Variants in CNTN5 observed in about 807,000 individuals in gnomAD.
The protein encoded by CNTN5 is contactin 5.
Under a neutral mutation model 129.1 loss-of-function variants are expected in CNTN5, and 77 were observed. That is an observed-to-expected ratio of 0.60 (90% confidence interval 0.50 to 0.72). The LOEUF is 0.72. Among genes scored for constraint, CNTN5 ranks in the 30% least tolerant of loss-of-function variants. The pLI is 0.00. For missense variants in CNTN5, 1,478 were observed against 1,328.8 expected (o/e 1.11, Z -1.75); for synonymous variants, 509 against 465.6 (o/e 1.09, Z -1.20).
At chr11:99,655,151 G>T (rs916667515) in intron 3 of CNTN5, among the ~76,000 whole-genome samples, 4 of 151,962 alleles carry the variant, frequency 2.6e-5, no homozygotes, top group African/African-American at 9.7e-5. Context: ...AATCTTAAGT[G>T]GTCCTTAAGT....
chr11:99,705,301 A>T (rs183808974), intron 3 of CNTN5, among the ~76,000 whole-genome samples: 31 of 151,482 alleles, frequency 2.0e-4, no homozygotes, highest in South Asian at 1.9e-3. Flanking sequence ...CTGAATCCAG[A>T]TATGCTCTAA....
intron 2 of CNTN5, among the ~76,000 whole-genome samples, chr11:99,378,505 G>A (rs749478393): frequency 6.6e-6 from 1 of 152,004 alleles, no homozygotes; most frequent in African/African-American, 2.4e-5. Context: ...TGAAGATTGG[G>A]TTTTACTAGA....
At chr11:99,380,768 C>CAAAAAAAAAAAAAAAAAAA (rs769229566) in intron 2 of CNTN5, among the ~76,000 whole-genome samples, 3 of 102,424 alleles carry the variant, frequency 2.9e-5, no homozygotes, top group African/African-American at 4.2e-5. Flanking sequence ...AACTCTATCT[C>CAAAAAAAAAAAAAAAAAAA]AAAAAAAAAA....
chr11:100,299,290 T>A lies in CNTN5; in HGVS notation c.2514T>A (p.Asp838Glu). 1.2e-6 allele frequency: 2 copies of A among 1,610,820 alleles called. No homozygotes were observed. The highest frequency in any genetic ancestry group is 1.7e-6 in the Non-Finnish European group (2 of 1,177,802). The change falls in exon 20 of 25, where the codon GAT becomes GAA. Residue 838 changes from aspartate to glutamate, a missense_variant. By Grantham distance (45) the Asp-to-Glu change is conservative. Coordinates refer to ENST00000524871, the MANE Select transcript of CNTN5 (RefSeq NM_014361.4). Reference protein sequence around the residue: ...SSEASKFIYRDESVPPLTPFE... With the variant: ...SSEASKFIYREESVPPLTPFE... ...AAGCTTCCAAATTCATTTATCGAGATGAAAGTGTCCCTCCTCTTACTCCCT... is the reference window on the plus strand; with the variant it reads ...AAGCTTCCAAATTCATTTATCGAGAAGAAAGTGTCCCTCCTCTTACTCCCT...
At chr11:99,542,571 T>A (rs1260104376) in intron 2 of CNTN5, among the ~76,000 whole-genome samples, 1 of 152,186 alleles carries the variant, frequency 6.6e-6, no homozygotes, top group Non-Finnish European at 1.5e-5. Flanking sequence ...TAACACAATG[T>A]TTACTAGTCT....
At chr11:100,001,331 T>C (rs1261300414) in intron 8 of CNTN5, among the ~76,000 whole-genome samples, 1 of 152,104 alleles carries the variant, frequency 6.6e-6, no homozygotes, top group Non-Finnish European at 1.5e-5. Context: ...GAGAACAGCA[T>C]GGGGGAATCT....
At chr11:99,500,385 C>T (rs1758341377) in intron 2 of CNTN5, among the ~76,000 whole-genome samples, 1 of 152,028 alleles carries the variant, frequency 6.6e-6, no homozygotes, top group South Asian at 2.1e-4. Context: ...GGAAGATAAA[C>T]AAATGAGATC....
At chr11:100,331,893 C>T (rs939917013) in intron 21 of CNTN5, among the ~76,000 whole-genome samples, 2 of 151,728 alleles carry the variant, frequency 1.3e-5, no homozygotes, top group African/African-American at 4.8e-5. Flanking sequence ...TCTGAAAGAG[C>T]ACAAATAGAC....
intron 3 of CNTN5, among the ~76,000 whole-genome samples, chr11:99,737,403 C>T (rs1943747075): frequency 6.6e-6 from 1 of 152,130 alleles, no homozygotes; most frequent in African/African-American, 2.4e-5. Flanking sequence ...TGAAGCAATA[C>T]AACATCTTCT....
intron 2 of CNTN5, among the ~76,000 whole-genome samples, chr11:99,466,858 A>G (rs536104190): frequency 7.1e-4 from 108 of 152,260 alleles, no homozygotes; most frequent in African/African-American, 2.5e-3. Flanking sequence ...TCATATTTAG[A>G]CAGAGAAGTG....
chr11:99,875,391 C>T lies in CNTN5; in HGVS notation c.577+30129C>T, dbSNP rs141384193. Among the ~76,000 whole-genome samples, 1,222 of 152,244 alleles carry T rather than the reference C, an allele frequency of 8.0e-3. 16 individuals carry two copies. Among genetic ancestry groups the T allele is most frequent in the African/African-American group, 0.028 (1,153 of 41,540 alleles). On this transcript the variant is annotated intron_variant, in intron 6 of 24. Coordinates refer to ENST00000524871, the MANE Select transcript of CNTN5 (RefSeq NM_014361.4). Reference sequence around the variant, plus strand: ...GGAAGTTGATTATTAAAACACTCTTCATACTTAAAGTGGAGCAAAATAACA... The same window carrying T: ...GGAAGTTGATTATTAAAACACTCTTTATACTTAAAGTGGAGCAAAATAACA...
intron 1 of CNTN5, among the ~76,000 whole-genome samples, chr11:99,040,545 A>C (rs1242656380): frequency 6.6e-6 from 1 of 152,144 alleles, no homozygotes; most frequent in East Asian, 1.9e-4. Flanking sequence ...AAAACATGAG[A>C]TATAAATTCA....
intron 3 of CNTN5, among the ~76,000 whole-genome samples, chr11:99,651,082 A>G (rs894165392): frequency 6.6e-5 from 10 of 151,962 alleles, no homozygotes; most frequent in Non-Finnish European, 1.5e-4. Flanking sequence ...AACATGCACA[A>G]TCAAGATGGG....
At chr11:99,579,121 G>T (rs1949475778) in intron 3 of CNTN5, among the ~76,000 whole-genome samples, 1 of 152,118 alleles carries the variant, frequency 6.6e-6, no homozygotes, top group African/African-American at 2.4e-5. Context: ...TGTCAGGTTT[G>T]TCAAAGATCA....
chr11:99,492,146 T>C (rs1424729248), intron 2 of CNTN5, among the ~76,000 whole-genome samples: 4 of 152,170 alleles, frequency 2.6e-5, no homozygotes, highest in Non-Finnish European at 5.9e-5. Flanking sequence ...ACTTTGTTCA[T>C]GGCCCATTGT....
intron 12 of CNTN5, among the ~76,000 whole-genome samples, chr11:100,073,060 T>C (rs1047862632): frequency 5.3e-5 from 8 of 150,846 alleles, no homozygotes; most frequent in African/African-American, 1.7e-4. Context: ...TTTAACTTTT[T>C]TTCTTTGAGA....
chr11:99,399,333 T>G (rs1941682900), intron 2 of CNTN5, among the ~76,000 whole-genome samples: 1 of 151,792 alleles, frequency 6.6e-6, no homozygotes, highest in Admixed American at 6.6e-5. Flanking sequence ...TTCTAAATTA[T>G]GAGATCCTTG....
intron 6 of CNTN5, among the ~76,000 whole-genome samples, chr11:99,853,401 A>G: frequency 7.1e-6 from 1 of 140,260 alleles, no homozygotes; most frequent in East Asian, 2.0e-4. Context: ...TATTATTTGT[A>G]TATATATATT....
At chr11:99,560,450 A>C (rs1630356) in intron 3 of CNTN5, among the ~76,000 whole-genome samples, 42,234 of 151,674 alleles carry the variant, frequency 0.28, 6,175 homozygotes, top group Middle Eastern at 0.34. Context: ...TGCCACCATG[A>C]CCAGCTAATT....
Sources: allele counts gnomAD v4.1 joint callset (sites outside exome capture counted in the v4.1 genomes callset), GRCh38; gene constraint gnomAD v4.1.1; transcripts MANE v1.5; gene names NCBI Gene and HGNC (gene_info 2026-07-23, HGNC 2026-07-21).